TNS3: variants seen among roughly 807,000 people sequenced by gnomAD.
The protein encoded by TNS3 is tensin-3.
A neutral mutation model predicts 140.9 loss-of-function variants in TNS3; 45 were observed. The observed-to-expected ratio is 0.32, with a 90% CI of 0.25 to 0.41. The LOEUF is 0.41. Among genes scored for constraint, TNS3 ranks in the 10% least tolerant of loss-of-function variants. TNS3 has a pLI of 1.00. For synonymous variants in TNS3, 815 were observed against 788.4 expected, an observed-to-expected ratio of 1.03 and a Z score of -0.56; for missense variants, 1,716 against 1,906.7, an observed-to-expected ratio of 0.90 and a Z score of 1.86.
intron 20 of TNS3, among the ~76,000 whole-genome samples, chr7:47,328,685 C>T (rs1408332766): frequency 6.6e-6 from 1 of 152,248 alleles, no homozygotes; most frequent in African/African-American, 2.4e-5. Context: ...GGGCCATCTG[C>T]CTCTCATCTG....
At chr7:47,470,770 T>C in intron 4 of TNS3, 1 of 438,136 alleles carries the variant, frequency 2.3e-6, no homozygotes, top group Non-Finnish European at 3.0e-6. Flanking sequence ...CCCGGGTGGA[T>C]GTAAGCTGAC....
chr7:47,553,034 A>C (rs1293438552), intron 1 of TNS3, among the ~76,000 whole-genome samples: 1 of 152,246 alleles, frequency 6.6e-6, no homozygotes, highest in African/African-American at 2.4e-5. Flanking sequence ...CATTCCCTTA[A>C]GCCAAAGCCT....
intron 2 of TNS3, among the ~76,000 whole-genome samples, chr7:47,522,362 C>T (rs1799012594): frequency 6.6e-6 from 1 of 152,182 alleles, no homozygotes; most frequent in Non-Finnish European, 1.5e-5. Context: ...CCCACACCCC[C>T]AGGCCAGCCT....
intron 4 of TNS3, among the ~76,000 whole-genome samples, chr7:47,477,034 A>G (rs1797221579): frequency 6.6e-6 from 1 of 152,194 alleles, no homozygotes. Context: ...TTCCTTCTCC[A>G]TTGTGTCTTA....
At chr7:47,333,882 T>C (rs898962581) in intron 20 of TNS3, among the ~76,000 whole-genome samples, 1 of 152,244 alleles carries the variant, frequency 6.6e-6, no homozygotes, top group African/African-American at 2.4e-5. Context: ...ATTCATAGGC[T>C]GAAATCTTCA....
chr7:47,295,060 T>C (rs1446008009), intron 24 of TNS3, among the ~76,000 whole-genome samples: 1 of 152,176 alleles, frequency 6.6e-6, no homozygotes, highest in Non-Finnish European at 1.5e-5. Context: ...TATCCTTGGA[T>C]TGTGAAATCT....
At position 47,278,403 on chromosome 7, in the gene TNS3, A is replaced by T. The variant is rs181718818; in HGVS notation, c.4194-183T>A. On this transcript the variant is annotated intron_variant, in intron 30 of 30. Coordinates refer to ENST00000311160, the MANE Select transcript of TNS3 (RefSeq NM_022748.12). ...CTTTACCTCCAGCCTTCACAGACCT[A>T]CAGATGGGATGTCTGACTCTAGCTC... 107 of 637,640 alleles carry T rather than the reference A, an allele frequency of 1.7e-4. No homozygotes were observed. The African/African-American group carries it at 1.8e-3, about 11-fold the overall frequency. 39.5% of individuals were successfully genotyped at this position (637,640 alleles called of 1,614,324 possible).
chr7:47,289,458 T>C (rs151089072), intron 27 of TNS3, among the ~76,000 whole-genome samples: 11 of 152,328 alleles, frequency 7.2e-5, no homozygotes, highest in Admixed American at 7.2e-4. Flanking sequence ...GGTGTGTGGT[T>C]TGTTTACAAC....
At chr7:47,323,137 T>C (rs995470486) in intron 20 of TNS3, among the ~76,000 whole-genome samples, 12 of 152,208 alleles carry the variant, frequency 7.9e-5, no homozygotes, top group Admixed American at 5.9e-4. Context: ...AGTTGCTTTT[T>C]CTCACGGAGC....
chr7:47,333,409 A>G (rs767103405), intron 20 of TNS3, among the ~76,000 whole-genome samples: 10 of 152,242 alleles, frequency 6.6e-5, no homozygotes, highest in Non-Finnish European at 1.2e-4. Flanking sequence ...GTATCCAGGC[A>G]TGTCTATTCC....
At chr7:47,571,898 G>A (rs1329044918) in intron 1 of TNS3, among the ~76,000 whole-genome samples, 2 of 152,184 alleles carry the variant, frequency 1.3e-5, no homozygotes, top group South Asian at 2.1e-4. Flanking sequence ...ACTATGCTTT[G>A]GAAGAACTAA....
intron 8 of TNS3, 78 bp from the exon 9 acceptor site, chr7:47,428,454 T>C (rs1247684859): frequency 1.8e-6 from 2 of 1,100,632 alleles, no homozygotes; most frequent in Admixed American, 3.1e-5. Flanking sequence ...AAAGACTCAC[T>C]AGTGGACAAA....
chr7:47,302,613 G>A (rs901133849), intron 22 of TNS3, among the ~76,000 whole-genome samples: 5 of 152,182 alleles, frequency 3.3e-5, no homozygotes, highest in Non-Finnish European at 7.3e-5. Flanking sequence ...TGACGTTTTG[G>A]ATGAATTAAT....
At chr7:47,457,108 AAGGGGAGGGG>A (rs1163349578) in intron 4 of TNS3, among the ~76,000 whole-genome samples, 28 of 29,848 alleles carry the variant, frequency 9.4e-4, no homozygotes, top group Non-Finnish European at 2.0e-3. Context: ...TGTGCTGGTA[AAGGGGAGGGG>A]AGGGGAGGGG....
chr7:47,577,480 T>C (rs1272066888), intron 1 of TNS3, among the ~76,000 whole-genome samples: 1 of 152,156 alleles, frequency 6.6e-6, no homozygotes, highest in African/African-American at 2.4e-5. Flanking sequence ...TCCTGAGCCT[T>C]GGCCTGGCCA....
At chr7:47,332,210 C>T (rs1788381120) in intron 20 of TNS3, among the ~76,000 whole-genome samples, 1 of 152,204 alleles carries the variant, frequency 6.6e-6, no homozygotes, top group African/African-American at 2.4e-5. Flanking sequence ...CTTGGGACAC[C>T]ACTGTGAGGC....
chr7:47,537,908 G>C (rs1056724943), intron 1 of TNS3, among the ~76,000 whole-genome samples: 9 of 152,052 alleles, frequency 5.9e-5, no homozygotes. Context: ...CCGGGGCCTT[G>C]CACACCTGGG....
Position 47,368,751 on chromosome 7 carries a change from G to A in TNS3, c.1895C>T (p.Thr632Ile), listed in dbSNP as rs1158194179. 4 of 1,586,004 alleles carry A rather than the reference G, an allele frequency of 2.5e-6. No homozygotes were observed. Among genetic ancestry groups the A allele is most frequent in the Non-Finnish European group, 2.6e-6 (3 of 1,166,338 alleles). The stretch of plus-strand genomic sequence containing the variant: ...CCTACTGCTGGTCCCTCGGGTGGGG[G>A]TGAGTGGCACTCTGGGCTGGGCCTG... ...LVQAQPRVPLTPTRGTSSRVA... is the reference protein window; with the variant it reads ...LVQAQPRVPLIPTRGTSSRVA... The change falls in exon 17 of 31, where the codon ACC (threonine) becomes ATC (isoleucine). Residue 632 changes from threonine (T) to isoleucine (I), a missense_variant. Transcript: ENST00000311160.
Position 47,442,007 on chromosome 7 carries a change from G to C in TNS3, c.-27C>G. The C allele has an allele frequency of 7.7e-7, 1 of 1,290,338 alleles. No homozygotes were observed. Among genetic ancestry groups the C allele is most frequent in the Non-Finnish European group, 1.0e-6 (1 of 988,970 alleles). 79.9% of individuals were successfully genotyped at this position (1,290,338 alleles called of 1,614,324 possible). On this transcript the variant is annotated 5_prime_UTR_variant, in exon 5 of 31. Transcript: ENST00000311160. Reference sequence around the variant, plus strand: ...ATGACCCACACAGACACTCACCGCAGAGGTTTATCACGGCAGAGAGAACTG... The same window carrying C: ...ATGACCCACACAGACACTCACCGCACAGGTTTATCACGGCAGAGAGAACTG...
Sources: allele counts gnomAD v4.1 joint callset (sites outside exome capture counted in the v4.1 genomes callset), GRCh38; gene constraint gnomAD v4.1.1; transcripts MANE v1.5; gene names NCBI Gene and HGNC (gene_info 2026-07-23, HGNC 2026-07-21).